The following FBXW7 variants were observed in gnomAD, a reference collection of about 807,000 sequenced individuals.
The protein encoded by FBXW7 is F-box/WD repeat-containing protein 7.
FBXW7 carries 11 observed loss-of-function variants against 86.3 expected under a neutral mutation model. The ratio of observed to expected loss-of-function variants is 0.13; its 90% CI spans 0.08 to 0.21. FBXW7 has a LOEUF of 0.21. FBXW7 is among the 10% of genes least tolerant of loss of function. FBXW7 has a pLI of 1.00. For missense variants in FBXW7, 488 were observed against 847.4 expected (o/e 0.58, Z 5.27); for synonymous variants, 313 against 297.9 (o/e 1.05, Z -0.52).
intron 2 of FBXW7, among the ~76,000 whole-genome samples, chr4:152,519,460 A>C (rs758305027): frequency 4.2e-5 from 6 of 143,082 alleles, no homozygotes; most frequent in Non-Finnish European, 7.6e-5. Flanking sequence ...CTCATCCTGA[A>C]ATAATCTCCT....
In FBXW7 at chr4:152,411,503, C is replaced by A. The variant is rs753254246; in HGVS notation, c.301G>T (p.Asp101Tyr). Residue 101 changes from aspartate (D) to tyrosine (Y), a missense_variant, in exon 4 of 14, where the codon GAT (aspartate) becomes TAT (tyrosine). Transcript: ENST00000281708. ...TCTTGTTCACCAGCATGTTCTTCAT[C>A]TTCCTCTTGTTCTTCTTGGTTTCCT... ...SSGNQEEQEEDEEHAGEQDEE... is the reference protein window; with the variant it reads ...SSGNQEEQEEYEEHAGEQDEE... 2 of 1,613,778 alleles carry A rather than the reference C, an allele frequency of 1.2e-6. No individual in the cohort carries two copies. Among genetic ancestry groups the A allele is most frequent in the Non-Finnish European group, 1.7e-6 (2 of 1,179,848 alleles).
At chr4:152,374,889 G>A (rs529399909) in intron 4 of FBXW7, among the ~76,000 whole-genome samples, 8 of 146,962 alleles carry the variant, frequency 5.4e-5, no homozygotes, top group South Asian at 2.2e-4. Context: ...GTTACAGGAG[G>A]GGGGGGGATG....
At chr4:152,366,726 C>T (rs138864963) in intron 4 of FBXW7, among the ~76,000 whole-genome samples, 6 of 152,184 alleles carry the variant, frequency 3.9e-5, no homozygotes, top group East Asian at 1.9e-4. Context: ...GACAGTGTGG[C>T]GATTCTTCAA....
At chr4:152,431,600 G>C (rs80298512) in intron 2 of FBXW7, among the ~76,000 whole-genome samples, 1,811 of 152,190 alleles carry the variant, frequency 0.012, 17 homozygotes, top group Non-Finnish European at 0.017. Context: ...CTGGGGCCTA[G>C]GGCAGGAGCA....
At chr4:152,385,136 CTG>C (rs1430227717) in intron 4 of FBXW7, among the ~76,000 whole-genome samples, 2 of 152,008 alleles carry the variant, frequency 1.3e-5, no homozygotes, top group African/African-American at 4.8e-5. Context: ...CAAAAAAATT[CTG>C]TCTCAGTGAT....
chr4:152,396,722 A>G (rs541621262), intron 4 of FBXW7, among the ~76,000 whole-genome samples: 5 of 152,226 alleles, frequency 3.3e-5, no homozygotes, highest in African/African-American at 9.6e-5. Flanking sequence ...AAAGGATCAG[A>G]ATTCAAGCTC....
chr4:152,347,135 G>C (rs2126637506), intron 5 of FBXW7, 64 bp from the exon 6 acceptor site: 2 of 1,344,672 alleles, frequency 1.5e-6, no homozygotes, highest in Non-Finnish European at 1.0e-6. Flanking sequence ...TGAAAGCAAA[G>C]ATAGATACTT....
At chr4:152,470,639 T>C (rs1299757703) in intron 2 of FBXW7, among the ~76,000 whole-genome samples, 1 of 152,148 alleles carries the variant, frequency 6.6e-6, no homozygotes, top group Non-Finnish European at 1.5e-5. Context: ...CGGTTAATAA[T>C]TTTATAATAA....
At chr4:152,493,740 C>T (rs1433919450) in intron 2 of FBXW7, among the ~76,000 whole-genome samples, 1 of 152,166 alleles carries the variant, frequency 6.6e-6, no homozygotes, top group African/African-American at 2.4e-5. Flanking sequence ...CAGAAGAAAA[C>T]AAACCTGCCA....
intron 2 of FBXW7, among the ~76,000 whole-genome samples, chr4:152,529,843 G>A (rs140112927): frequency 6.6e-4 from 100 of 151,800 alleles, no homozygotes; most frequent in African/African-American, 2.2e-3. Flanking sequence ...ATATACCCTC[G>A]AGGCTCTCTA....
In FBXW7 at chr4:152,386,013, A is replaced by G. The variant is rs186884702; in HGVS notation, c.501+25290T>C. Reference sequence around the variant, plus strand: ...ACACTAAAAAAACAAACCTTCAAATATAGACAAAAACCCTAATAAATGAGG... The same window carrying G: ...ACACTAAAAAAACAAACCTTCAAATGTAGACAAAAACCCTAATAAATGAGG... On this transcript the variant is annotated intron_variant, in intron 4 of 13. Transcript: ENST00000281708. 2.6e-5 allele frequency among the ~76,000 whole-genome samples: 4 copies of G among 152,164 alleles called. No individual in the cohort carries two copies. In the South Asian group the frequency reaches 6.2e-4, roughly 24 times the overall value.
chr4:152,328,070 A>G, intron 11 of FBXW7, 138 bp downstream of exon 11: 3 of 701,558 alleles, frequency 4.3e-6, no homozygotes, highest in Non-Finnish European at 6.8e-6. Flanking sequence ...GCTTTCCTAG[A>G]ATAGAAACAT....
intron 2 of FBXW7, among the ~76,000 whole-genome samples, chr4:152,420,309 C>G (rs1389521334): frequency 6.6e-6 from 1 of 152,174 alleles, no homozygotes; most frequent in East Asian, 1.9e-4. Context: ...TCTACTTCTA[C>G]TTCTCTTGCT....
intron 12 of FBXW7, 33 bp downstream of exon 12, chr4:152,325,973 G>T (rs1452297054): frequency 6.4e-7 from 1 of 1,554,390 alleles, no homozygotes; most frequent in Admixed American, 1.7e-5. Context: ...GATTCATCAG[G>T]AGAGCATTTA....
intron 2 of FBXW7, among the ~76,000 whole-genome samples, chr4:152,424,991 T>A (rs1019456216): frequency 6.6e-6 from 1 of 152,148 alleles, no homozygotes; most frequent in African/African-American, 2.4e-5. Flanking sequence ...AGATTCTGAG[T>A]TGGTAAATCT....
chr4:152,512,667 T>C (rs997276556), intron 2 of FBXW7, among the ~76,000 whole-genome samples: 7 of 152,172 alleles, frequency 4.6e-5, no homozygotes, highest in African/African-American at 1.7e-4. Flanking sequence ...ACTCCATTTA[T>C]AAGAAATGTC....
chr4:152,477,397 T>C (rs1412584700), intron 2 of FBXW7, among the ~76,000 whole-genome samples: 2 of 152,186 alleles, frequency 1.3e-5, no homozygotes, highest in African/African-American at 4.8e-5. Context: ...TCCACCCTCA[T>C]TGAATACGTA....
chr4:152,514,386 T>C (rs1748267200), intron 2 of FBXW7, among the ~76,000 whole-genome samples: 1 of 152,350 alleles, frequency 6.6e-6, no homozygotes, highest in Middle Eastern at 3.4e-3. Context: ...CTTTCCTTCA[T>C]GTTTCCTACA....
intron 2 of FBXW7, among the ~76,000 whole-genome samples, chr4:152,492,299 G>A (rs1745934240): frequency 6.6e-6 from 1 of 152,082 alleles, no homozygotes; most frequent in South Asian, 2.1e-4. Context: ...ATTGACATTT[G>A]GGCTGCTTCT....
Sources: gnomAD v4.1 joint callset for allele counts (sites outside exome capture counted in the v4.1 genomes callset) on GRCh38, gnomAD v4.1.1 for gene constraint, MANE v1.5 for transcripts, NCBI Gene and HGNC (gene_info 2026-07-23, HGNC 2026-07-21) for gene names.